The following SLC47A1 variants were observed in gnomAD, a reference collection of about 807,000 sequenced individuals.
SLC47A1 encodes the protein multidrug and toxin extrusion protein 1.
SLC47A1 carries 58 observed loss-of-function variants against 65.8 expected under a neutral mutation model. The ratio of observed to expected loss-of-function variants is 0.88; its 90% CI spans 0.71 to 1.10. SLC47A1 has a LOEUF of 1.10. Ranked by LOEUF, SLC47A1 falls within the 50% of genes least tolerant of loss-of-function variation. The pLI is 0.00. For synonymous variants in SLC47A1, 285 were observed against 295.0 expected (o/e 0.97, Z 0.35); for missense variants, 706 against 719.2 (o/e 0.98, Z 0.21).
At chr17:19,548,499 CTTTTTT>C (rs11341022) in intron 4 of SLC47A1, among the ~76,000 whole-genome samples, 1 of 123,452 alleles carries the variant, frequency 8.1e-6, no homozygotes. Flanking sequence ...CAAGATTTTT[CTTTTTT>C]TTTTTTTTTT....
intron 14 of SLC47A1, 63 bp downstream of exon 14, chr17:19,567,291 G>A: frequency 6.2e-7 from 1 of 1,607,338 alleles, no homozygotes; most frequent in Middle Eastern, 1.9e-4. Context: ...GACCGTCGGA[G>A]CACACGGGTC....
chr17:19,577,729 G>T lies in SLC47A1; in HGVS notation c.*176G>T. On this transcript the variant is annotated 3_prime_UTR_variant, in exon 17 of 17. Coordinates refer to ENST00000270570, the MANE Select transcript of SLC47A1 (RefSeq NM_018242.3). ...AAAGAAAAAGCAACTAAGGTTAAAA[G>T]CTATATTGTGGCCCAAGACACTGTC... 1 of 1,423,694 alleles carries T rather than the reference G, an allele frequency of 7.0e-7. No individual in the cohort carries two copies. Among genetic ancestry groups the T allele is most frequent in the Non-Finnish European group, 9.1e-7 (1 of 1,094,998 alleles). 88.2% of individuals were successfully genotyped at this position (1,423,694 alleles called of 1,614,324 possible). A position where few individuals can be genotyped will look rare whatever the true frequency, so the allele number is the denominator to read the frequency against.
chr17:19,537,306 C>T (rs1016357242), intron 1 of SLC47A1, among the ~76,000 whole-genome samples: 2 of 150,666 alleles, frequency 1.3e-5, no homozygotes, highest in African/African-American at 4.8e-5. Flanking sequence ...TGGAGAGAAC[C>T]GCTTTACCCG....
rs1361353247 is a variant in SLC47A1 at position 19,567,223 on chromosome 17, T to A, written c.1304T>A (p.Val435Glu). The change falls in exon 14 of 17, where the codon GTG becomes GAG. Residue 435 changes from valine (V) to glutamate (E), a missense_variant. Physicochemically the swap from Val to Glu is moderately radical, Grantham distance 121 (BLOSUM62 -2). Coordinates refer to ENST00000270570, the MANE Select transcript of SLC47A1 (RefSeq NM_018242.3). ...CTGATGTTTGCAACCACACTTGGAG[T>A]GATGGGTAAGCTCTAACCTCTGCAG... ...IALMFATTLG[V>E]MGLWSGIIIC... The A allele has an allele frequency of 6.2e-7, 1 of 1,614,092 alleles. No individual in the cohort carries two copies. Among genetic ancestry groups the A allele is most frequent in the Non-Finnish European group, 8.5e-7 (1 of 1,180,012 alleles).
intron 10 of SLC47A1, chr17:19,557,575 A>G (rs780017905): frequency 1.9e-6 from 1 of 516,420 alleles, no homozygotes; most frequent in South Asian, 1.4e-5. Context: ...GGGTATGTTC[A>G]CGGGGCGATG....
At chr17:19,567,852 C>CCCCCACAGAGCT (rs2084372224) in intron 14 of SLC47A1, 1 of 152,932 alleles carries the variant, frequency 6.5e-6, no homozygotes, top group Admixed American at 6.5e-5. Flanking sequence ...TAGCTCTGTG[C>CCCCCACAGAGCT]CCCCACAGAG....
chr17:19,567,364 A>G (rs2084367402), intron 14 of SLC47A1, 136 bp downstream of exon 14: 1 of 1,339,648 alleles, frequency 7.5e-7, no homozygotes, highest in Non-Finnish European at 1.0e-6. Context: ...GTCTTGTCAG[A>G]GAGTGTAGGG....
At chr17:19,542,017 C>T (rs1339774851) in intron 1 of SLC47A1, among the ~76,000 whole-genome samples, 2 of 152,222 alleles carry the variant, frequency 1.3e-5, no homozygotes, top group Admixed American at 1.3e-4. Context: ...CTCAGCTACT[C>T]AGGAGGCTGA....
chr17:19,569,289 T>G (rs537039675), intron 14 of SLC47A1, among the ~76,000 whole-genome samples: 25 of 152,012 alleles, frequency 1.6e-4, no homozygotes, highest in Admixed American at 1.4e-3. Context: ...CAAGAATTGC[T>G]TGAACCCGGG....
chr17:19,534,391 C>T (rs978994114), intron 1 of SLC47A1: 15 of 299,290 alleles, frequency 5.0e-5, no homozygotes, highest in African/African-American at 3.3e-4. Flanking sequence ...AGAGCTGGGA[C>T]CTTTGCCCCT....
At chr17:19,541,141 C>T (rs1916135959) in intron 1 of SLC47A1, among the ~76,000 whole-genome samples, 1 of 152,140 alleles carries the variant, frequency 6.6e-6, no homozygotes, top group Non-Finnish European at 1.5e-5. Flanking sequence ...TTTCTGTGGG[C>T]TCAGCACAGA....
At chr17:19,560,548 T>G in intron 12 of SLC47A1, 55 bp downstream of exon 12, 2 of 1,562,718 alleles carry the variant, frequency 1.3e-6, no homozygotes, top group South Asian at 2.2e-5. Flanking sequence ...AATGGTTCAT[T>G]GAGAAAATTT....
At position 19,555,577 on chromosome 17, in the gene SLC47A1, G is replaced by C. The variant is rs1187893140; in HGVS notation, c.642-16G>C. ...GCAGGAAGGTACCTCCCTCTCATTG[G>C]GACTGTTCTTTCCAGAGGCTCTGCA... On this transcript the variant is annotated splice_polypyrimidine_tract_variant and intron_variant, in intron 7 of 16. Coordinates refer to ENST00000270570, the MANE Select transcript of SLC47A1 (RefSeq NM_018242.3). 1 of 1,613,016 alleles carries C rather than the reference G, an allele frequency of 6.2e-7. No homozygotes were observed. Among genetic ancestry groups the C allele is most frequent in the Non-Finnish European group, 8.5e-7 (1 of 1,179,062 alleles).
chr17:19,560,223 G>A lies in SLC47A1; in HGVS notation c.957G>A (p.Arg319=). 6.2e-7 allele frequency: 1 copy of A among 1,613,374 alleles called. No individual in the cohort carries two copies. Among genetic ancestry groups the A allele is most frequent in the Non-Finnish European group, 8.5e-7 (1 of 1,179,990 alleles). The change falls in exon 11 of 17, where the codon CGG becomes CGA. Residue 319 remains arginine, a synonymous_variant. Coordinates refer to ENST00000270570, the MANE Select transcript of SLC47A1 (RefSeq NM_018242.3). The part of the protein sequence containing the change: ...PAGFSVAASV[R]VGNALGAGDM... ...GCTTCAGTGTGGCTGCCAGTGTCCG[G>A]GTAGGAAACGCTCTGGGTGCTGGAG... is the stretch of plus-strand genomic sequence containing the variant.
chr17:19,577,608 A>G lies in SLC47A1; in HGVS notation c.*55A>G. The G allele has an allele frequency of 1.2e-6, 2 of 1,605,440 alleles. No individual in the cohort carries two copies. Among genetic ancestry groups the G allele is most frequent in the Non-Finnish European group, 1.7e-6 (2 of 1,175,078 alleles). On this transcript the variant is annotated 3_prime_UTR_variant, in exon 17 of 17. Transcript: ENST00000270570. ...ATGCTTTTGAGCTTACACACAATTC[A>G]CAGGCCCACCAGTGACAATTTACTG...
intron 3 of SLC47A1, 113 bp downstream of exon 3, chr17:19,546,616 C>A: frequency 1.1e-6 from 1 of 908,296 alleles, no homozygotes; most frequent in African/African-American, 1.7e-5. Context: ...CAGCACCTAT[C>A]AGCCAGCAAC....
Position 19,560,205 on chromosome 17 carries a change from T to G in SLC47A1, c.939T>G (p.Ser313Arg), listed in dbSNP as rs1567971063. The change falls in exon 11 of 17, where the codon AGT becomes AGG. Residue 313 changes from serine to arginine, a missense_variant. Ser to Arg is a moderately radical substitution (Grantham distance 110, BLOSUM62 -1). Coordinates refer to ENST00000270570, the MANE Select transcript of SLC47A1 (RefSeq NM_018242.3). ...IIVYMVPAGF[S>R]VAASVRVGNA... ...TATTTTAGGTCCCTGCAGGCTTCAGTGTGGCTGCCAGTGTCCGGGTAGGAA... is the reference window on the plus strand; with the variant it reads ...TATTTTAGGTCCCTGCAGGCTTCAGGGTGGCTGCCAGTGTCCGGGTAGGAA... 3 of 1,612,626 alleles carry G rather than the reference T, an allele frequency of 1.9e-6. No individual in the cohort carries two copies. Among genetic ancestry groups the G allele is most frequent in the East Asian group, 4.5e-5 (2 of 44,874 alleles).
Position 19,577,467 on chromosome 17 carries a change from G to C in SLC47A1, c.1627G>C (p.Val543Leu). 3 of 1,614,198 alleles carry C rather than the reference G, an allele frequency of 1.9e-6. No homozygotes were observed. Among genetic ancestry groups the C allele is most frequent in the Non-Finnish European group, 2.5e-6 (3 of 1,180,046 alleles). Residue 543 changes from valine to leucine, a missense_variant, in exon 17 of 17, where the codon GTG (valine) becomes CTG (leucine). By Grantham distance (32) the Val-to-Leu change is conservative (BLOSUM62 1). Coordinates refer to ENST00000270570, the MANE Select transcript of SLC47A1 (RefSeq NM_018242.3). ...CGCTAAATTGTCCAGGAAACAGCTG[G>C]TGCTGCGGCGAGGGCTTCTGCTCCT... ...DGAKLSRKQLVLRRGLLLLGV... is the reference protein window; with the variant it reads ...DGAKLSRKQLLLRRGLLLLGV...
At chr17:19,539,805 G>A (rs573748383) in intron 1 of SLC47A1, among the ~76,000 whole-genome samples, 2 of 152,148 alleles carry the variant, frequency 1.3e-5, no homozygotes, top group East Asian at 1.9e-4. Flanking sequence ...TGGGTCTTGC[G>A]ATGGGCCAGG....
Sources: allele counts gnomAD v4.1 joint callset (sites outside exome capture counted in the v4.1 genomes callset), GRCh38; gene constraint gnomAD v4.1.1; transcripts MANE v1.5; gene names NCBI Gene and HGNC (gene_info 2026-07-23, HGNC 2026-07-21).